Variants in SLC7A14 observed in about 807,000 individuals in gnomAD.
SLC7A14 encodes gamma-aminobutyric acid transporter SLC7A14.
SLC7A14 carries 37 observed loss-of-function variants against 60.2 expected under a neutral mutation model. That is an observed-to-expected ratio of 0.61 (90% confidence interval 0.47 to 0.81). SLC7A14 has a LOEUF of 0.81. Among genes scored for constraint, SLC7A14 ranks in the 30% least tolerant of loss-of-function variants. The pLI is 0.00. For missense variants in SLC7A14, 886 were observed against 982.7 expected (o/e 0.90, Z 1.32); for synonymous variants, 399 against 395.8 (o/e 1.01, Z -0.10).
chr3:170,581,671 T>C (rs1715239919), intron 1 of SLC7A14, among the ~76,000 whole-genome samples: 1 of 152,196 alleles, frequency 6.6e-6, no homozygotes, highest in Non-Finnish European at 1.5e-5. Context: ...TTGTACATTG[T>C]ACCATATCTA....
rs1437368700 is a variant in SLC7A14 at position 170,526,905 on chromosome 3, C to G, written c.32G>C (p.Arg11Pro). The part of the protein sequence containing the change: MSGFFTSLDP[R>P]RVQWGAAWYA... ...CCAGGCAGCTCCCCACTGCACCCGCCGGGGGTCCAGCGAGGTGAAGAAGCC... is the reference window on the plus strand; with the variant it reads ...CCAGGCAGCTCCCCACTGCACCCGCGGGGGGTCCAGCGAGGTGAAGAAGCC... The change falls in exon 2 of 8, where the codon CGG (arginine) becomes CCG (proline). Residue 11 changes from arginine to proline, a missense_variant. Transcript: ENST00000231706. 6.2e-7 allele frequency: 1 copy of G among 1,613,566 alleles called. No homozygotes were observed. Among genetic ancestry groups the G allele is most frequent in the South Asian group, 1.1e-5 (1 of 90,966 alleles).
intron 2 of SLC7A14, among the ~76,000 whole-genome samples, chr3:170,511,589 C>T (rs770867663): frequency 1.8e-4 from 27 of 152,084 alleles, no homozygotes; most frequent in Non-Finnish European, 3.5e-4. Context: ...TCAGTGGGAG[C>T]TTAGGGCCAT....
intron 7 of SLC7A14, among the ~76,000 whole-genome samples, chr3:170,474,667 C>T (rs1711557428): frequency 6.6e-6 from 1 of 152,088 alleles, no homozygotes; most frequent in African/African-American, 2.4e-5. Flanking sequence ...TCTTCTTTTT[C>T]TCACCTGGCT....
At chr3:170,576,119 C>T (rs923485469) in intron 1 of SLC7A14, among the ~76,000 whole-genome samples, 1 of 152,138 alleles carries the variant, frequency 6.6e-6, no homozygotes, top group African/African-American at 2.4e-5. Flanking sequence ...TTATAATTTC[C>T]TCTGTGGAAG....
intron 1 of SLC7A14, among the ~76,000 whole-genome samples, chr3:170,576,696 C>T (rs560915987): frequency 1.6e-4 from 24 of 152,120 alleles, no homozygotes; most frequent in Non-Finnish European, 2.9e-4. Context: ...TTACTTAGAG[C>T]GGTATTTTTC....
chr3:170,567,966 C>T (rs1345073067), intron 1 of SLC7A14, among the ~76,000 whole-genome samples: 2 of 151,772 alleles, frequency 1.3e-5, no homozygotes, highest in African/African-American at 2.4e-5. Context: ...GTTGCCTGTT[C>T]ATTCTGATGG....
In SLC7A14 at chr3:170,535,351, A is replaced by G. The variant is rs1713807236; in HGVS notation, c.-152-8263T>C. The stretch of plus-strand genomic sequence containing the variant: ...GACAAATAATACCAAAAACCAGTTA[A>G]TCCTTCTATGCCACCATAAAAGATT... On this transcript the variant is annotated intron_variant, in intron 1 of 7. Transcript: ENST00000231706. This position sits in a 1 kb window ranked among gnomAD's most constrained non-coding sequence, Gnocchi z 4.3. 6.6e-6 allele frequency among the ~76,000 whole-genome samples: 1 copy of G among 152,164 alleles called. No homozygotes were observed. Among genetic ancestry groups the G allele is most frequent in the Non-Finnish European group, 1.5e-5 (1 of 68,032 alleles).
rs762336522 is a variant in SLC7A14 at position 170,526,693 on chromosome 3, T to C, written c.244A>G (p.Met82Val). 18 of 1,614,088 alleles carry C rather than the reference T, an allele frequency of 1.1e-5. No individual in the cohort carries two copies. In the South Asian group the frequency reaches 1.9e-4, roughly 17 times the overall value. ...YVVSGLVAKE[M>V]AGPGVIVSFI... ...GACACAATGACACCAGGTCCTGCCATTTCCTTGGCCACCAGGCCAGAGACC... is the reference window on the plus strand; with the variant it reads ...GACACAATGACACCAGGTCCTGCCACTTCCTTGGCCACCAGGCCAGAGACC... Residue 82 changes from methionine to valine, a missense_variant, in exon 2 of 8, where the codon ATG (methionine) becomes GTG (valine). Coordinates refer to ENST00000231706, the MANE Select transcript of SLC7A14 (RefSeq NM_020949.3).
chr3:170,547,390 A>G (rs1010822252), intron 1 of SLC7A14, among the ~76,000 whole-genome samples: 3 of 152,242 alleles, frequency 2.0e-5, no homozygotes, highest in African/African-American at 4.8e-5. Context: ...TGACTCTCCA[A>G]AAACTTAACT....
rs1232467449 is a variant in SLC7A14 at position 170,464,016 on chromosome 3, TCATTGG to T, written c.*3033_*3038del. ...ATTCTATTATTTTTCATGGTGTCAC[TCATTGG>T]CAAATTTAGTAAAGCATGTCAGGGT... is the stretch of plus-strand genomic sequence containing the variant. On this transcript the variant is annotated 3_prime_UTR_variant, in exon 8 of 8. Transcript: ENST00000231706. The T allele has an allele frequency of 6.6e-6, 1 of 152,228 alleles. No individual in the cohort carries two copies. The highest frequency in any genetic ancestry group is 2.4e-5 in the African/African-American group (1 of 41,462). The allele number at this position is 152,228 out of a possible 1,614,324, so 9.4% of individuals were successfully genotyped here.
chr3:170,551,445 A>C (rs777203294), intron 1 of SLC7A14, among the ~76,000 whole-genome samples: 23 of 152,288 alleles, frequency 1.5e-4, no homozygotes, highest in Admixed American at 3.3e-4. Context: ...GTCATATGGC[A>C]TCTCAATGTT....
At chr3:170,521,846 G>A (rs1477390914) in intron 2 of SLC7A14, among the ~76,000 whole-genome samples, 1 of 152,090 alleles carries the variant, frequency 6.6e-6, no homozygotes, top group Non-Finnish European at 1.5e-5. Context: ...GCTTGAACCT[G>A]GGAGGTGGAG....
intron 2 of SLC7A14, among the ~76,000 whole-genome samples, chr3:170,518,429 G>A (rs114994163): frequency 0.031 from 4,779 of 152,050 alleles, 108 homozygotes; most frequent in Non-Finnish European, 0.043. Context: ...ATCTACTCAC[G>A]CCCAAATTCT....
chr3:170,495,706 C>T, intron 4 of SLC7A14: 1 of 1,080,142 alleles, frequency 9.3e-7, no homozygotes. Context: ...GCCATGCACA[C>T]CCAGGAGAAG....
rs1209246756 is a variant in SLC7A14 at position 170,462,028 on chromosome 3, G to T, written c.*5027C>A. Reference sequence around the variant, plus strand: ...ATACTCCAATAGTGGACCCCTACCCGCTGCGTAGACTCCGTAAGCAGACCC... The same window carrying T: ...ATACTCCAATAGTGGACCCCTACCCTCTGCGTAGACTCCGTAAGCAGACCC... On this transcript the variant is annotated 3_prime_UTR_variant, in exon 8 of 8. Transcript: ENST00000231706. The T allele has an allele frequency of 1.3e-5, 2 of 152,260 alleles. No individual in the cohort carries two copies. Among genetic ancestry groups the T allele is most frequent in the Non-Finnish European group, 2.9e-5 (2 of 68,108 alleles). 9.4% of individuals were successfully genotyped at this position (152,260 alleles called of 1,614,324 possible).
At chr3:170,514,109 C>T (rs1247060054) in intron 2 of SLC7A14, among the ~76,000 whole-genome samples, 2 of 152,254 alleles carry the variant, frequency 1.3e-5, no homozygotes, top group Non-Finnish European at 2.9e-5. Context: ...GGGCAAGTGT[C>T]AGGAGCTTTT....
chr3:170,537,466 A>G (rs545833407), intron 1 of SLC7A14, among the ~76,000 whole-genome samples: 9 of 152,344 alleles, frequency 5.9e-5, no homozygotes, highest in Admixed American at 5.9e-4. Flanking sequence ...AGATTAGAAC[A>G]TGGACATCTC....
intron 1 of SLC7A14, among the ~76,000 whole-genome samples, chr3:170,561,912 C>T (rs1240664111): frequency 6.6e-6 from 1 of 152,140 alleles, no homozygotes; most frequent in Non-Finnish European, 1.5e-5. Flanking sequence ...CACTAATGAT[C>T]AGGGAAATGC....
intron 1 of SLC7A14, among the ~76,000 whole-genome samples, chr3:170,531,822 A>G (rs1176540912): frequency 1.3e-5 from 2 of 152,214 alleles, no homozygotes; most frequent in Non-Finnish European, 2.9e-5. Context: ...AGGAAGGCTT[A>G]CAGGGCCTCT....
Sources: gnomAD v4.1 joint callset for allele counts (sites outside exome capture counted in the v4.1 genomes callset) on GRCh38, gnomAD v4.1.1 for gene constraint, Gnocchi (gnomAD v3.1) non-coding constraint, MANE v1.5 for transcripts, NCBI Gene and HGNC (gene_info 2026-07-23, HGNC 2026-07-21) for gene names.